FEZ2: variants seen among roughly 807,000 people sequenced by gnomAD.
The protein encoded by FEZ2 is fasciculation and elongation protein zeta-2.
A neutral mutation model predicts 40.4 loss-of-function variants in FEZ2; 51 were observed. The ratio of observed to expected loss-of-function variants is 1.26; its 90% CI spans 1.01 to 1.59. The LOEUF is 1.59. Ranked by LOEUF, FEZ2 falls within the 40% of genes most tolerant of loss-of-function variation. The pLI is 0.00. For synonymous variants in FEZ2, 242 were observed against 172.0 expected, an observed-to-expected ratio of 1.41 and a Z score of -3.18; for missense variants, 640 against 438.3, an observed-to-expected ratio of 1.46 and a Z score of -4.11.
At chr2:36,583,907 G>T in intron 2 of FEZ2, 1 of 162,524 alleles carries the variant, frequency 6.2e-6, no homozygotes, top group Non-Finnish European at 1.3e-5. Context: ...CCTGAAAGGC[G>T]GGATCTGTCC....
At chr2:36,567,875 G>A (rs922439482) in intron 5 of FEZ2, among the ~76,000 whole-genome samples, 1 of 152,160 alleles carries the variant, frequency 6.6e-6, no homozygotes, top group Non-Finnish European at 1.5e-5. Flanking sequence ...AGTGAGACCA[G>A]GAAGAAACAG....
intron 1 of FEZ2, among the ~76,000 whole-genome samples, chr2:36,595,189 C>T (rs1443395254): frequency 2.0e-5 from 3 of 152,002 alleles, no homozygotes; most frequent in South Asian, 2.1e-4. Context: ...TGCCAAGGGT[C>T]GGGGAGGGCT....
At chr2:36,560,797 AC>A in intron 5 of FEZ2, 1 of 1,605,818 alleles carries the variant, frequency 6.2e-7, no homozygotes, top group Admixed American at 1.7e-5. Context: ...GTTTCTCTCC[AC>A]CTGAATTTCC....
intron 4 of FEZ2, 100 bp from the exon 5 acceptor site, chr2:36,578,965 A>G: frequency 1.1e-6 from 1 of 945,800 alleles, no homozygotes. Context: ...CACCTATGTA[A>G]TCAATGCCAA....
At position 36,579,701 on chromosome 2, in the gene FEZ2, C is replaced by A. The variant is rs1428920993; in HGVS notation, c.635-836G>T. Among the ~76,000 whole-genome samples the A allele has an allele frequency of 2.0e-5, 3 of 152,140 alleles. No individual in the cohort carries two copies. In the East Asian group the frequency reaches 5.8e-4, roughly 29 times the overall value. On this transcript the variant is annotated intron_variant, in intron 4 of 7. Transcript: ENST00000405912. ...GTGGAACCATTAGCCAATTAAACCTCTTTTCGTATAAATTACCCAGTTTCA... is the reference window on the plus strand; with the variant it reads ...GTGGAACCATTAGCCAATTAAACCTATTTTCGTATAAATTACCCAGTTTCA...
intron 5 of FEZ2, 108 bp from the exon 6 acceptor site, chr2:36,558,621 A>G (rs1668015154): frequency 5.6e-6 from 3 of 539,722 alleles, no homozygotes; most frequent in African/African-American, 3.8e-5. Context: ...AACACAAGCT[A>G]CTTTGGTAAT....
At position 36,583,398 on chromosome 2, in the gene FEZ2, G is replaced by C. The variant is rs1668809695; in HGVS notation, c.447C>G (p.Ile149Met). The change falls in exon 3 of 8, where the codon ATC becomes ATG. Residue 149 changes from isoleucine (I) to methionine (M), a missense_variant. By Grantham distance (10) the Ile-to-Met change is conservative. Transcript: ENST00000405912. Reference protein sequence around the residue: ...ELREQLDMHSIIVSCVNDEPL... With the variant: ...ELREQLDMHSMIVSCVNDEPL... ...GTTCATCATTAACACAGGAGACGAT[G>C]ATTGAGTGCATATCCAGCTGTTCTC... is the stretch of plus-strand genomic sequence containing the variant. 1.2e-6 allele frequency: 2 copies of C among 1,607,622 alleles called. No individual in the cohort carries two copies. Among genetic ancestry groups the C allele is most frequent in the African/African-American group, 2.7e-5 (2 of 74,792 alleles).
At chr2:36,581,519 G>T in intron 3 of FEZ2, 88 bp from the exon 4 acceptor site, 1 of 1,148,480 alleles carries the variant, frequency 8.7e-7, no homozygotes, top group South Asian at 1.4e-5. Context: ...GGCACCCAGA[G>T]CAGAAATGCA....
At chr2:36,568,506 G>A (rs1263844863) in intron 5 of FEZ2, among the ~76,000 whole-genome samples, 1 of 152,134 alleles carries the variant, frequency 6.6e-6, no homozygotes, top group Non-Finnish European at 1.5e-5. Flanking sequence ...CAAATTCAAA[G>A]TGAAGAACTG....
At chr2:36,584,930 C>A (rs1325523948) in intron 2 of FEZ2, among the ~76,000 whole-genome samples, 2 of 152,134 alleles carry the variant, frequency 1.3e-5, no homozygotes, top group Non-Finnish European at 2.9e-5. Context: ...ACTGCACGGT[C>A]CACCTACAAC....
intron 5 of FEZ2, among the ~76,000 whole-genome samples, chr2:36,575,828 T>C (rs1315241714): frequency 6.6e-6 from 1 of 152,144 alleles, no homozygotes; most frequent in African/African-American, 2.4e-5. Context: ...GAGAACAAGG[T>C]AACAATTTTA....
intron 5 of FEZ2, among the ~76,000 whole-genome samples, chr2:36,569,894 T>C (rs148979813): frequency 1.6e-4 from 24 of 152,340 alleles, no homozygotes; most frequent in Non-Finnish European, 2.1e-4. Flanking sequence ...TTTCTGACTC[T>C]TACTCTAATC....
rs1466912874 is a variant in FEZ2, at chr2:36,552,730, A to G, written c.*433T>C. 1.6e-5 allele frequency: 3 copies of G among 192,456 alleles called. No individual in the cohort carries two copies. Among genetic ancestry groups the G allele is most frequent in the African/African-American group, 2.4e-5 (1 of 42,012 alleles). 11.9% of individuals were successfully genotyped at this position (192,456 alleles called of 1,614,324 possible). On this transcript the variant is annotated 3_prime_UTR_variant, in exon 8 of 8. Coordinates refer to ENST00000405912, the MANE Select transcript of FEZ2 (RefSeq NM_005102.3). Reference sequence around the variant, plus strand: ...TGAACAATACTGGTAGGTAATAGTTACACTGACAATTCTCACAAAAAAACA... The same window carrying G: ...TGAACAATACTGGTAGGTAATAGTTGCACTGACAATTCTCACAAAAAAACA...
intron 2 of FEZ2, among the ~76,000 whole-genome samples, chr2:36,585,304 C>G (rs1204095747): frequency 6.6e-6 from 1 of 152,160 alleles, no homozygotes; most frequent in African/African-American, 2.4e-5. Flanking sequence ...AAAAATTTAC[C>G]TCTCATGTGC....
intron 5 of FEZ2, among the ~76,000 whole-genome samples, chr2:36,560,509 G>A (rs1408608008): frequency 6.6e-6 from 1 of 152,144 alleles, no homozygotes; most frequent in Non-Finnish European, 1.5e-5. Flanking sequence ...ATGTTAAAAT[G>A]TTAATATTTG....
chr2:36,565,858 G>A (rs1458705348), intron 5 of FEZ2, among the ~76,000 whole-genome samples: 1 of 152,102 alleles, frequency 6.6e-6, no homozygotes, highest in African/African-American at 2.4e-5. Flanking sequence ...TCACCAGGAT[G>A]CCAGCAGTAC....
chr2:36,583,605 C>T, intron 2 of FEZ2, 136 bp from the exon 3 acceptor site: 1 of 611,142 alleles, frequency 1.6e-6, no homozygotes, highest in South Asian at 1.9e-5. Context: ...ATTACAATCA[C>T]TCTGTACCAG....
chr2:36,581,572 C>A, intron 3 of FEZ2, 141 bp from the exon 4 acceptor site: 1 of 667,624 alleles, frequency 1.5e-6, no homozygotes, highest in Non-Finnish European at 2.6e-6. Context: ...GTGGATGCTC[C>A]AAATAATCAA....
In FEZ2 at chr2:36,552,907, ACT is replaced by A. The variant is rs893003672; in HGVS notation, c.*254_*255del. 8.8e-6 allele frequency: 4 copies of A among 455,526 alleles called. No individual in the cohort carries two copies. The highest frequency in any genetic ancestry group is 6.0e-5 in the African/African-American group (3 of 49,720). The allele number at this position is 455,526 out of a possible 1,614,324, so 28.2% of individuals were successfully genotyped here. A position where few individuals can be genotyped will look rare whatever the true frequency, so the allele number is the denominator to read the frequency against. Reference sequence around the variant, plus strand: ...CAACTGCACATGCACAATTAATATTACTCTCTCTTAATCTACTAAGAGAACAG... The same window carrying A: ...CAACTGCACATGCACAATTAATATTACTCTCTTAATCTACTAAGAGAACAG... On this transcript the variant is annotated 3_prime_UTR_variant, in exon 8 of 8. Coordinates refer to ENST00000405912, the MANE Select transcript of FEZ2 (RefSeq NM_005102.3).
Sources: gnomAD v4.1 joint callset for allele counts (sites outside exome capture counted in the v4.1 genomes callset) on GRCh38, gnomAD v4.1.1 for gene constraint, MANE v1.5 for transcripts, NCBI Gene and HGNC (gene_info 2026-07-23, HGNC 2026-07-21) for gene names.